The following ATP6V1A variants were observed in gnomAD, a reference collection of about 807,000 sequenced individuals.
The protein encoded by ATP6V1A is ATPase H+ transporting V1 subunit A.
In ATP6V1A, 18 loss-of-function variants were observed where a neutral mutation model predicts 70.1. The ratio of observed to expected loss-of-function variants is 0.26; its 90% CI spans 0.18 to 0.38. The LOEUF (loss-of-function observed/expected upper bound fraction) is 0.38. Ranked by LOEUF, ATP6V1A falls within the 10% of genes least tolerant of loss-of-function variation. The probability of loss-of-function intolerance (pLI) is 1.00; values close to 1 mark genes in which losing one functional copy is unlikely to be tolerated. For missense variants in ATP6V1A, 424 were observed against 772.4 expected, an observed-to-expected ratio of 0.55 and a Z score of 5.35; for synonymous variants, 232 against 253.8, an observed-to-expected ratio of 0.91 and a Z score of 0.82.
intron 1 of ATP6V1A, among the ~76,000 whole-genome samples, chr3:113,763,517 A>G (rs925389628): frequency 1.3e-5 from 2 of 152,224 alleles, no homozygotes; most frequent in Non-Finnish European, 2.9e-5. Context: ...GTCTTTTGCC[A>G]TGTGCAGAAG....
At chr3:113,805,561 G>A in intron 14 of ATP6V1A, 36 bp downstream of exon 14, 1 of 1,557,202 alleles carries the variant, frequency 6.4e-7, no homozygotes, top group African/African-American at 1.4e-5. Context: ...TTTTTATTTG[G>A]AAATGCTTCT....
intron 2 of ATP6V1A, among the ~76,000 whole-genome samples, chr3:113,779,412 A>C (rs1708954709): frequency 6.6e-6 from 1 of 152,204 alleles, no homozygotes; most frequent in South Asian, 2.1e-4. Context: ...ATCTTACGCC[A>C]GTATTTGTTT....
intron 5 of ATP6V1A, among the ~76,000 whole-genome samples, chr3:113,785,742 C>T (rs1204413733): frequency 6.6e-6 from 1 of 150,960 alleles, no homozygotes; most frequent in Non-Finnish European, 1.5e-5. Flanking sequence ...GATCTCGGCT[C>T]ACTGCATCCT....
intron 1 of ATP6V1A, among the ~76,000 whole-genome samples, chr3:113,752,686 G>A (rs894820038): frequency 1.2e-4 from 18 of 151,932 alleles, no homozygotes; most frequent in African/African-American, 4.3e-4. Flanking sequence ...TTAAAAAGCA[G>A]AGTAAATCTC....
intron 10 of ATP6V1A, 139 bp downstream of exon 10, chr3:113,795,343 G>A (rs1709142864): frequency 3.4e-6 from 3 of 887,658 alleles, no homozygotes; most frequent in African/African-American, 1.7e-5. Flanking sequence ...TTGCACTCCA[G>A]AGTCACCTAA....
chr3:113,796,727 A>G (rs1709156333), intron 11 of ATP6V1A, among the ~76,000 whole-genome samples: 1 of 152,222 alleles, frequency 6.6e-6, no homozygotes, highest in Admixed American at 6.5e-5. Flanking sequence ...TATCAGAGAA[A>G]AGGAAATGTC....
chr3:113,784,810 C>G lies in ATP6V1A; in HGVS notation c.541C>G (p.Pro181Ala). The change falls in exon 5 of 15, where the codon CCA becomes GCA. Residue 181 changes from proline (P) to alanine (A), a missense_variant. Around this residue, in one of 9 missense-constraint regions of ATP6V1A, gnomAD observed 139 missense variants for 163.5 expected, o/e 0.85. Coordinates refer to ENST00000273398, the MANE Select transcript of ATP6V1A (RefSeq NM_001690.4). ...CAGAGGAACTGTAACTTACATTGCT[C>G]CACCTGGGAATTATGATACCTCTGT... is the stretch of plus-strand genomic sequence containing the variant. ...RNRGTVTYIAPPGNYDTSDVV... is the reference protein window; with the variant it reads ...RNRGTVTYIAAPGNYDTSDVV... 1 of 1,614,034 alleles carries G rather than the reference C, an allele frequency of 6.2e-7. No homozygotes were observed. The highest frequency in any genetic ancestry group is 1.7e-4 in the Middle Eastern group (1 of 6,060).
intron 14 of ATP6V1A, among the ~76,000 whole-genome samples, chr3:113,808,707 T>G (rs1190704525): frequency 6.6e-6 from 1 of 152,202 alleles, no homozygotes; most frequent in East Asian, 1.9e-4. Context: ...TTCCTAATTA[T>G]CATGCATTAA....
intron 1 of ATP6V1A, among the ~76,000 whole-genome samples, chr3:113,748,598 A>G (rs1013344651): frequency 1.3e-5 from 2 of 152,194 alleles, no homozygotes; most frequent in Non-Finnish European, 2.9e-5. Flanking sequence ...AAACGGTCTT[A>G]TTTTGTTAAG....
intron 11 of ATP6V1A, among the ~76,000 whole-genome samples, chr3:113,797,190 G>A (rs1380835174): frequency 6.6e-6 from 1 of 151,854 alleles, no homozygotes; most frequent in Non-Finnish European, 1.5e-5. Flanking sequence ...ACCCGCCTCA[G>A]CCTCCCAAAG....
intron 1 of ATP6V1A, among the ~76,000 whole-genome samples, chr3:113,757,793 G>A (rs911353571): frequency 1.3e-5 from 2 of 152,308 alleles, no homozygotes; most frequent in East Asian, 3.9e-4. Flanking sequence ...CCCCTATGCT[G>A]TTTCTAGGGT....
At chr3:113,806,850 T>C (rs1382467083) in intron 14 of ATP6V1A, among the ~76,000 whole-genome samples, 1 of 152,240 alleles carries the variant, frequency 6.6e-6, no homozygotes, top group East Asian at 1.9e-4. Context: ...GGAACTCAAA[T>C]GTATAAGATT....
chr3:113,754,588 A>G (rs1457920271), intron 1 of ATP6V1A, among the ~76,000 whole-genome samples: 1 of 152,140 alleles, frequency 6.6e-6, no homozygotes. Context: ...GATAGGGACT[A>G]CTAGATAGGA....
At chr3:113,782,581 TATACAC>T (rs1708990780) in intron 3 of ATP6V1A, among the ~76,000 whole-genome samples, 1 of 146,706 alleles carries the variant, frequency 6.8e-6, no homozygotes, top group African/African-American at 2.5e-5. Context: ...TACGTATATA[TATACAC>T]ATATATATAT....
rs533424835 is a variant in ATP6V1A, at chr3:113,786,173, T to C, written c.565-59T>C. The stretch of plus-strand genomic sequence containing the variant: ...CCAAGGAGAATCGGGTTACTTTGAT[T>C]TTGAAGGAAGAAATGTTCACAAATT... On this transcript the variant is annotated intron_variant, in intron 5 of 14. Coordinates refer to ENST00000273398, the MANE Select transcript of ATP6V1A (RefSeq NM_001690.4). The C allele has an allele frequency of 2.0e-6, 3 of 1,484,764 alleles. No individual in the cohort carries two copies. In the East Asian group the frequency reaches 7.1e-5, roughly 35 times the overall value. 92.0% of individuals were successfully genotyped at this position (1,484,764 alleles called of 1,614,324 possible).
At chr3:113,806,288 A>G (rs1307978120) in intron 14 of ATP6V1A, among the ~76,000 whole-genome samples, 1 of 152,120 alleles carries the variant, frequency 6.6e-6, no homozygotes, top group Admixed American at 6.6e-5. Context: ...TCTAAAATAA[A>G]TGCTGATGTG....
At chr3:113,760,893 T>C (rs13097719) in intron 1 of ATP6V1A, among the ~76,000 whole-genome samples, 54,919 of 150,736 alleles carry the variant, frequency 0.36, 10,016 homozygotes, top group African/African-American at 0.41. Flanking sequence ...ATGGTGAAAC[T>C]CTGTCTCTAC....
At chr3:113,763,806 A>G (rs1708734619) in intron 1 of ATP6V1A, among the ~76,000 whole-genome samples, 1 of 152,122 alleles carries the variant, frequency 6.6e-6, no homozygotes, top group Non-Finnish European at 1.5e-5. Flanking sequence ...ATTAAAATTG[A>G]TATTATCTTA....
intron 13 of ATP6V1A, 53 bp downstream of exon 13, chr3:113,803,730 G>T (rs888580767): frequency 1.4e-6 from 2 of 1,423,022 alleles, no homozygotes; most frequent in South Asian, 1.2e-5. Context: ...TTGTGTTTTG[G>T]TGAAGGAGTA....
Sources: allele counts gnomAD v4.1 joint callset (sites outside exome capture counted in the v4.1 genomes callset), GRCh38; gene constraint gnomAD v4.1.1; regional missense constraint gnomAD v4.1.1; transcripts MANE v1.5; gene names NCBI Gene and HGNC (gene_info 2026-07-23, HGNC 2026-07-21).